Variants in CRTC1 observed in about 807,000 individuals in gnomAD.
CRTC1 encodes CREB-regulated transcription coactivator 1.
CRTC1 carries 18 observed loss-of-function variants against 66.1 expected under a neutral mutation model. That is an observed-to-expected ratio of 0.27 (90% CI 0.19 to 0.40). CRTC1 has a LOEUF of 0.40. CRTC1 is among the 10% of genes least tolerant of loss of function. The probability of loss-of-function intolerance (pLI) is 1.00; values close to 1 mark genes in which losing one functional copy is unlikely to be tolerated. For synonymous variants in CRTC1, 416 were observed against 398.8 expected, an observed-to-expected ratio of 1.04 and a Z score of -0.51; for missense variants, 669 against 887.9, an observed-to-expected ratio of 0.75 and a Z score of 3.13.
chr19:18,781,190 C>G lies in CRTC1; in HGVS notation c.*3808C>G. The G allele has an allele frequency of 4.4e-6, 1 of 226,896 alleles. No individual in the cohort carries two copies. Among genetic ancestry groups the G allele is most frequent in the East Asian group, 6.3e-5 (1 of 15,916 alleles). The allele number at this position is 226,896 out of a possible 1,614,324, so 14.1% of individuals were successfully genotyped here. A position where few individuals can be genotyped will look rare whatever the true frequency, so the allele number is the denominator to read the frequency against. Reference sequence around the variant, plus strand: ...GGCACAGATGTGCCCCTGGGCCTGGCCCGTCACCCACATGTGGTGCCCTGG... The same window carrying G: ...GGCACAGATGTGCCCCTGGGCCTGGGCCGTCACCCACATGTGGTGCCCTGG... On this transcript the variant is annotated 3_prime_UTR_variant, in exon 14 of 14. Transcript: ENST00000321949.
chr19:18,705,010 A>G (rs2053231848), intron 1 of CRTC1, among the ~76,000 whole-genome samples: 1 of 150,826 alleles, frequency 6.6e-6, no homozygotes. Context: ...GACTCCAGGG[A>G]CCTCATGTAA....
intron 5 of CRTC1, among the ~76,000 whole-genome samples, chr19:18,752,330 T>A (rs1168668468): frequency 6.6e-6 from 1 of 152,112 alleles, no homozygotes; most frequent in African/African-American, 2.4e-5. Flanking sequence ...TATATTATTT[T>A]ATTTTAGAGA....
chr19:18,701,118 C>A (rs947830595), intron 1 of CRTC1, among the ~76,000 whole-genome samples: 1 of 152,254 alleles, frequency 6.6e-6, no homozygotes, highest in South Asian at 2.1e-4. Flanking sequence ...CGGCAAGGAG[C>A]CCGCTAATCC....
chr19:18,760,300 C>A lies in CRTC1; in HGVS notation c.886+72C>A. The A allele has an allele frequency of 7.8e-7, 1 of 1,279,214 alleles. No individual in the cohort carries two copies. The highest frequency in any genetic ancestry group is 1.1e-6 in the Non-Finnish European group (1 of 917,462). 79.2% of individuals were successfully genotyped at this position (1,279,214 alleles called of 1,614,324 possible). A position where few individuals can be genotyped will look rare whatever the true frequency, so the allele number is the denominator to read the frequency against. ...GACAACACGGGCATCTGCAGGATGA[C>A]TTGGCAGAGTCCCGTTCCAAATACT... On this transcript the variant is annotated intron_variant, in intron 8 of 13. Transcript: ENST00000321949. This position sits in a 1 kb window ranked among gnomAD's most constrained non-coding sequence, Gnocchi z 6.2.
intron 1 of CRTC1, among the ~76,000 whole-genome samples, chr19:18,728,693 C>T (rs555682739): frequency 4.6e-5 from 7 of 151,752 alleles, no homozygotes; most frequent in Admixed American, 3.3e-4. Context: ...TTAGTAGAGA[C>T]GGAGTTTCAT....
intron 2 of CRTC1, among the ~76,000 whole-genome samples, chr19:18,745,083 T>G (rs1349299814): frequency 6.6e-6 from 1 of 152,092 alleles, no homozygotes; most frequent in Non-Finnish European, 1.5e-5. Context: ...CAGGGCGGGC[T>G]CCTGGCAGCC....
At chr19:18,693,479 G>GTTTTTTTTTTTTTTTTTTTTT (rs1294890403) in intron 1 of CRTC1, among the ~76,000 whole-genome samples, 1 of 129,720 alleles carries the variant, frequency 7.7e-6, no homozygotes. Context: ...TAACTCTTTT[G>GTTTTTTTTTTTTTTTTTTTTT]TTTTTGTTTT....
rs759487363 is a variant in CRTC1, at chr19:18,765,544, G to A, written c.1011+16G>A. 1.3e-5 allele frequency: 21 copies of A among 1,595,062 alleles called. No homozygotes were observed. The highest frequency in any genetic ancestry group is 1.7e-5 in the Admixed American group (1 of 59,564). On this transcript the variant is annotated intron_variant, in intron 9 of 13. Coordinates refer to ENST00000321949, the MANE Select transcript of CRTC1 (RefSeq NM_015321.3). ...CATCACTCAGGTGCGAGGGCAAGGT[G>A]GGGGGCAGGTGGGAGGGGGAAAGGG...
intron 1 of CRTC1, among the ~76,000 whole-genome samples, chr19:18,693,493 T>G (rs555670755): frequency 5.9e-5 from 9 of 151,292 alleles, no homozygotes; most frequent in Admixed American, 3.3e-4. Context: ...TTGTTTTTTT[T>G]TTTTTTGAAA....
At chr19:18,685,463 C>A (rs1357229976) in intron 1 of CRTC1, among the ~76,000 whole-genome samples, 1 of 152,094 alleles carries the variant, frequency 6.6e-6, no homozygotes, top group African/African-American at 2.4e-5. Context: ...TCGAGACCAG[C>A]CTGGCCAACG....
At chr19:18,706,029 T>C (rs1292861094) in intron 1 of CRTC1, among the ~76,000 whole-genome samples, 1 of 150,676 alleles carries the variant, frequency 6.6e-6, no homozygotes, top group Non-Finnish European at 1.5e-5. Flanking sequence ...AATTGGGTTG[T>C]TTTTCTTTTT....
At chr19:18,737,365 T>C (rs2145705235) in intron 1 of CRTC1, among the ~76,000 whole-genome samples, 1 of 152,178 alleles carries the variant, frequency 6.6e-6, no homozygotes, top group East Asian at 1.9e-4. Context: ...CACATCTGCC[T>C]CCCACGTGCC....
intron 1 of CRTC1, among the ~76,000 whole-genome samples, chr19:18,725,465 G>A (rs188834060): frequency 1.3e-5 from 2 of 152,192 alleles, no homozygotes; most frequent in Admixed American, 6.5e-5. Context: ...AGGAGGCCTC[G>A]GCCACCCTCC....
At chr19:18,764,295 T>C (rs1451765766) in intron 8 of CRTC1, among the ~76,000 whole-genome samples, 4 of 152,220 alleles carry the variant, frequency 2.6e-5, no homozygotes, top group Non-Finnish European at 4.4e-5. Context: ...CAGATGCTCT[T>C]CAGAGACTGC....
At chr19:18,734,649 G>A (rs2053960093) in intron 1 of CRTC1, among the ~76,000 whole-genome samples, 1 of 152,200 alleles carries the variant, frequency 6.6e-6, no homozygotes, top group Admixed American at 6.5e-5. Context: ...CTGTACTCCA[G>A]CCTGGGCCAC....
chr19:18,726,929 G>GA (rs57708407), intron 1 of CRTC1, among the ~76,000 whole-genome samples: 24,970 of 111,764 alleles, frequency 0.22, 3,490 homozygotes, highest in East Asian at 0.43. Context: ...CCGTCTTGGG[G>GA]AAAAAAAAAA....
intron 1 of CRTC1, among the ~76,000 whole-genome samples, chr19:18,717,993 A>G (rs1157761800): frequency 2.0e-5 from 3 of 152,150 alleles, no homozygotes; most frequent in South Asian, 2.1e-4. Flanking sequence ...TTACTTATCT[A>G]TTGTTGAGGT....
intron 1 of CRTC1, among the ~76,000 whole-genome samples, chr19:18,715,208 T>G (rs2053479687): frequency 6.6e-6 from 1 of 152,218 alleles, no homozygotes; most frequent in Non-Finnish European, 1.5e-5. Context: ...CCTGTGTGTC[T>G]GCATCTCTTT....
intron 1 of CRTC1, among the ~76,000 whole-genome samples, chr19:18,703,317 G>A: frequency 6.6e-6 from 1 of 152,126 alleles, no homozygotes; most frequent in East Asian, 1.9e-4. Context: ...ACAGGCGTGA[G>A]CCACCGCTCC....
Sources: allele counts gnomAD v4.1 joint callset (sites outside exome capture counted in the v4.1 genomes callset), GRCh38; gene constraint gnomAD v4.1.1; non-coding constraint Gnocchi (gnomAD v3.1); transcripts MANE v1.5; gene names NCBI Gene and HGNC (gene_info 2026-07-23, HGNC 2026-07-21).